Variants in MYO18B observed in about 807,000 individuals in gnomAD.
MYO18B encodes myosin XVIIIB, also known as unconventional myosin-XVIIIb.
MYO18B carries 204 observed loss-of-function variants against 273.0 expected under a neutral mutation model. That is an observed-to-expected ratio of 0.75 (90% CI 0.67 to 0.84). The LOEUF (loss-of-function observed/expected upper bound fraction) is 0.84, where lower values mean the gene tolerates loss of function less well. Ranked by LOEUF, MYO18B falls within the 40% of genes least tolerant of loss-of-function variation. The pLI is 0.00. For missense variants in MYO18B, 3,212 were observed against 3,287.6 expected, an observed-to-expected ratio of 0.98 and a Z score of 0.56; for synonymous variants, 1,330 against 1,305.7, an observed-to-expected ratio of 1.02 and a Z score of -0.40.
intron 21 of MYO18B, among the ~76,000 whole-genome samples, chr22:25,862,903 A>C (rs2090779080): frequency 6.6e-6 from 1 of 151,848 alleles, no homozygotes; most frequent in South Asian, 2.1e-4. Context: ...ACTTTTTAAA[A>C]TCTTTGTCTT....
chr22:25,843,687 A>G (rs1421838169), intron 17 of MYO18B, 48 bp from the exon 18 acceptor site: 2 of 1,566,552 alleles, frequency 1.3e-6, no homozygotes, highest in Admixed American at 1.8e-5. Flanking sequence ...CTGATTGCAG[A>G]GTGTCCTCAA....
At chr22:25,950,632 C>T (rs866400582) in intron 37 of MYO18B, among the ~76,000 whole-genome samples, 182 bp downstream of exon 37, 11 of 152,058 alleles carry the variant, frequency 7.2e-5, no homozygotes, top group Middle Eastern at 3.4e-3. Context: ...AGTGAAGTGG[C>T]GCGATCTTGG....
chr22:26,024,697 TCTCACACA>T (rs1936108809), intron 42 of MYO18B, among the ~76,000 whole-genome samples: 1 of 152,272 alleles, frequency 6.6e-6, no homozygotes, highest in African/African-American at 2.4e-5. Context: ...GCCATGGCGA[TCTCACACA>T]GGCCCCCAGC....
In MYO18B at chr22:25,780,093, C is replaced by G; in HGVS notation, c.2106C>G (p.Ala702=). The G allele has an allele frequency of 6.3e-7, 1 of 1,599,066 alleles. No individual in the cohort carries two copies. Among genetic ancestry groups the G allele is most frequent in the Non-Finnish European group, 8.5e-7 (1 of 1,173,862 alleles). Reference sequence around the variant, plus strand: ...GAGCCACCTTCACTGTCCTCCGGGCCTTCGGCTCTGTGTCCATGGCCCACA... The same window carrying G: ...GAGCCACCTTCACTGTCCTCCGGGCGTTCGGCTCTGTGTCCATGGCCCACA... ...KIRATFTVLR[A]FGSVSMAHSR... is the part of the protein sequence containing the mutation. The change falls in exon 9 of 44, where the codon GCC becomes GCG. Residue 702 remains alanine, a synonymous_variant. Coordinates refer to ENST00000335473, the MANE Select transcript of MYO18B (RefSeq NM_032608.7).
intron 39 of MYO18B, among the ~76,000 whole-genome samples, chr22:25,974,384 A>T (rs889803610): frequency 6.6e-6 from 1 of 152,238 alleles, no homozygotes; most frequent in Non-Finnish European, 1.5e-5. Flanking sequence ...TTGGTTCAAT[A>T]TAGCTGATTG....
chr22:25,831,189 T>C (rs1464118946), intron 15 of MYO18B, among the ~76,000 whole-genome samples: 2 of 152,240 alleles, frequency 1.3e-5, no homozygotes, highest in African/African-American at 4.8e-5. Context: ...TCTGTCATTT[T>C]CCTCACAGTA....
chr22:25,981,601 C>G (rs1446906958), intron 39 of MYO18B, among the ~76,000 whole-genome samples: 2 of 152,100 alleles, frequency 1.3e-5, no homozygotes, highest in Non-Finnish European at 2.9e-5. Flanking sequence ...AAAAATTAGC[C>G]TGGTGTGATG....
At chr22:25,845,253 T>A (rs148130115) in intron 18 of MYO18B, among the ~76,000 whole-genome samples, 1,891 of 152,254 alleles carry the variant, frequency 0.012, 35 homozygotes, top group African/African-American at 0.043. Flanking sequence ...GCGCGGTGGC[T>A]CACGCCTGTA....
rs4049349 is a variant in MYO18B, at chr22:25,876,003, CGTGTGTGT to C, written c.4081-151_4081-144del. On this transcript the variant is annotated intron_variant, in intron 23 of 43. Coordinates refer to ENST00000335473, the MANE Select transcript of MYO18B (RefSeq NM_032608.7). ...CAAAAAGACTACAAGAAAGGAAGCC[CGTGTGTGT>C]GTGTGTGTGTGTGTGTGTGTGTGTG... 0.068 allele frequency among the ~76,000 whole-genome samples: 9,451 copies of C among 139,940 alleles called. 338 individuals are homozygous for C. Among genetic ancestry groups the C allele is most frequent in the East Asian group, 0.12 (553 of 4,696 alleles). The allele number at this position is 139,940 out of a possible 152,430, so 91.8% of individuals were successfully genotyped here.
chr22:25,852,637 A>G (rs2090457882), intron 21 of MYO18B, among the ~76,000 whole-genome samples: 1 of 152,106 alleles, frequency 6.6e-6, no homozygotes, highest in Non-Finnish European at 1.5e-5. Flanking sequence ...GAGCTATTAC[A>G]CTCCATTTAC....
intron 38 of MYO18B, among the ~76,000 whole-genome samples, chr22:25,954,884 G>A (rs1286887176): frequency 2.0e-5 from 3 of 151,976 alleles, no homozygotes; most frequent in African/African-American, 7.3e-5. Flanking sequence ...GCTAATTTTT[G>A]TATTTCTTAG....
chr22:25,874,131 G>T (rs991946632), intron 22 of MYO18B, among the ~76,000 whole-genome samples, 155 bp from the exon 23 acceptor site: 8 of 152,138 alleles, frequency 5.3e-5, no homozygotes, highest in African/African-American at 1.9e-4. Context: ...AAAATGCTTT[G>T]ATAATTTAGA....
intron 3 of MYO18B, among the ~76,000 whole-genome samples, chr22:25,764,770 G>C (rs12169967): frequency 0.019 from 2,952 of 152,348 alleles, 55 homozygotes; most frequent in Non-Finnish European, 0.031. Context: ...AAATGTTACT[G>C]TGTGCTGTTT....
intron 1 of MYO18B, among the ~76,000 whole-genome samples, chr22:25,748,051 A>C (rs147872874): frequency 1.9e-3 from 290 of 152,334 alleles, no homozygotes; most frequent in Middle Eastern, 0.017. Context: ...CTGCGGCAGA[A>C]GGCAGGTTAG....
intron 39 of MYO18B, among the ~76,000 whole-genome samples, chr22:25,969,924 T>A (rs545050597): frequency 2.0e-4 from 30 of 152,318 alleles, no homozygotes; most frequent in African/African-American, 6.0e-4. Flanking sequence ...ATCATCATCA[T>A]CATAATAACC....
intron 31 of MYO18B, among the ~76,000 whole-genome samples, chr22:25,907,613 T>A (rs982197760): frequency 6.6e-6 from 1 of 152,192 alleles, no homozygotes; most frequent in African/African-American, 2.4e-5. Flanking sequence ...TTTGGGCAAA[T>A]CATCTTCTTT....
At chr22:25,751,640 AGTCT>A (rs1161888670) in intron 1 of MYO18B, among the ~76,000 whole-genome samples, 3 of 152,084 alleles carry the variant, frequency 2.0e-5, no homozygotes, top group Admixed American at 6.5e-5. Flanking sequence ...GACCTCTCTG[AGTCT>A]GTCTGTTCTG....
chr22:25,955,047 C>G, intron 38 of MYO18B, 132 bp from the exon 39 acceptor site: 1 of 936,410 alleles, frequency 1.1e-6, no homozygotes, highest in South Asian at 2.0e-5. Flanking sequence ...ATTTTTGTAG[C>G]AGACATCAGT....
intron 12 of MYO18B, among the ~76,000 whole-genome samples, chr22:25,810,624 CA>C (rs1245404019): frequency 1.3e-5 from 2 of 151,100 alleles, no homozygotes; most frequent in Non-Finnish European, 2.9e-5. Context: ...TTTGTAGAAA[CA>C]GGGTTTTACT....
Sources: gnomAD v4.1 joint callset for allele counts (sites outside exome capture counted in the v4.1 genomes callset) on GRCh38, gnomAD v4.1.1 for gene constraint, MANE v1.5 for transcripts, NCBI Gene and HGNC (gene_info 2026-07-23, HGNC 2026-07-21) for gene names.